The following MOXD1 variants were observed in gnomAD, a reference collection of about 807,000 sequenced individuals.
The protein encoded by MOXD1 is DBH-like monooxygenase protein 1.
MOXD1 carries 62 observed loss-of-function variants against 66.6 expected under a neutral mutation model. The ratio of observed to expected loss-of-function variants is 0.93; its 90% CI spans 0.76 to 1.15. The LOEUF is 1.15. MOXD1 is among the 50% of genes most tolerant of loss of function. MOXD1 has a pLI of 0.00. For synonymous variants in MOXD1, 303 were observed against 281.9 expected (o/e 1.07, Z -0.75); for missense variants, 847 against 754.6 (o/e 1.12, Z -1.44).
intron 8 of MOXD1, 53 bp from the exon 9 acceptor site, chr6:132,320,741 A>G: frequency 1.4e-6 from 2 of 1,436,310 alleles, no homozygotes; most frequent in Non-Finnish European, 1.9e-6. Context: ...TGGCTTATTT[A>G]TCAAATACAT....
intron 4 of MOXD1, among the ~76,000 whole-genome samples, chr6:132,367,905 T>C (rs1386598992): frequency 1.3e-5 from 2 of 151,968 alleles, no homozygotes; most frequent in Non-Finnish European, 2.9e-5. Flanking sequence ...TAGTATGAGG[T>C]GTACTGCCTC....
chr6:132,345,795 T>C (rs1775657159), intron 4 of MOXD1, among the ~76,000 whole-genome samples: 1 of 152,122 alleles, frequency 6.6e-6, no homozygotes, highest in Admixed American at 6.5e-5. Context: ...TTTTAGGCCT[T>C]TAGAATAACT....
chr6:132,297,671 A>T (rs896865893), intron 11 of MOXD1, 116 bp downstream of exon 11: 1 of 1,252,660 alleles, frequency 8.0e-7, no homozygotes, highest in Non-Finnish European at 1.1e-6. Flanking sequence ...ATTATCAGAC[A>T]TTAGAAGGCA....
intron 4 of MOXD1, among the ~76,000 whole-genome samples, chr6:132,364,844 C>T (rs868694702): frequency 6.6e-6 from 1 of 152,102 alleles, no homozygotes; most frequent in South Asian, 2.1e-4. Flanking sequence ...CAGACGGAAC[C>T]TAAGGCTCAA....
chr6:132,345,943 C>G (rs1283634810), intron 4 of MOXD1, among the ~76,000 whole-genome samples: 1 of 152,022 alleles, frequency 6.6e-6, no homozygotes, highest in Non-Finnish European at 1.5e-5. Context: ...ACACCAAGAC[C>G]CTTCTTTGGT....
At chr6:132,385,487 TTATTATTATTATTA>T (rs1204606548) in intron 1 of MOXD1, among the ~76,000 whole-genome samples, 28 of 141,506 alleles carry the variant, frequency 2.0e-4, no homozygotes, top group African/African-American at 7.2e-4. Flanking sequence ...ATTATTATTA[TTATTATTATTATTA>T]GAGACACAGT....
chr6:132,331,287 A>G (rs1200253859), intron 4 of MOXD1, among the ~76,000 whole-genome samples: 1 of 152,132 alleles, frequency 6.6e-6, no homozygotes, highest in Non-Finnish European at 1.5e-5. Context: ...TTCAGGCAGA[A>G]CCTTAAGGTT....
At chr6:132,333,092 TTTGGGAG>T (rs1775358947) in intron 4 of MOXD1, among the ~76,000 whole-genome samples, 1 of 152,104 alleles carries the variant, frequency 6.6e-6, no homozygotes, top group Non-Finnish European at 1.5e-5. Context: ...ATCCCAGCAC[TTTGGGAG>T]GCCGAGGCGG....
intron 1 of MOXD1, among the ~76,000 whole-genome samples, chr6:132,399,843 T>A (rs551723600): frequency 6.6e-6 from 1 of 152,276 alleles, no homozygotes; most frequent in East Asian, 1.9e-4. Flanking sequence ...GGAGAATGAG[T>A]CATTCCCCTA....
At chr6:132,401,079 G>A (rs1404808569) in intron 1 of MOXD1, 84 bp downstream of exon 1, 3 of 1,364,968 alleles carry the variant, frequency 2.2e-6, no homozygotes, top group Non-Finnish European at 1.9e-6. Flanking sequence ...TGCGGGCCCC[G>A]GGGACGACCC....
intron 10 of MOXD1, among the ~76,000 whole-genome samples, chr6:132,303,879 ACATATAT>A (rs1774627609): frequency 3.7e-4 from 15 of 40,960 alleles, no homozygotes; most frequent in Non-Finnish European, 4.6e-4. Flanking sequence ...ATATATATAT[ACATATAT>A]ACATAAAACC....
intron 10 of MOXD1, among the ~76,000 whole-genome samples, chr6:132,313,721 C>T (rs1349509926): frequency 6.6e-6 from 1 of 152,084 alleles, no homozygotes; most frequent in Non-Finnish European, 1.5e-5. Context: ...CGAGACCAGC[C>T]TGCCCAACAT....
intron 4 of MOXD1, among the ~76,000 whole-genome samples, chr6:132,361,470 A>T (rs1776017737): frequency 6.6e-6 from 1 of 152,204 alleles, no homozygotes; most frequent in South Asian, 2.1e-4. Flanking sequence ...GTTGAATAAA[A>T]TACTTTATTA....
At chr6:132,372,048 G>A (rs1776272272) in intron 4 of MOXD1, among the ~76,000 whole-genome samples, 1 of 152,098 alleles carries the variant, frequency 6.6e-6, no homozygotes, top group Non-Finnish European at 1.5e-5. Flanking sequence ...CAAAAGTTCT[G>A]GGAGGCCCAT....
chr6:132,311,690 C>T (rs927504143), intron 10 of MOXD1, among the ~76,000 whole-genome samples: 2 of 151,510 alleles, frequency 1.3e-5, no homozygotes, highest in African/African-American at 4.9e-5. Context: ...AATTAAAATT[C>T]AATGGTTTTT....
chr6:132,349,396 CATATATATACATAT>C (rs1476873091), intron 4 of MOXD1, among the ~76,000 whole-genome samples: 5,626 of 40,082 alleles, frequency 0.14, 742 homozygotes, highest in South Asian at 0.21. Context: ...TATATATACA[CATATATATACATAT>C]ATATATATAT....
intron 1 of MOXD1, among the ~76,000 whole-genome samples, chr6:132,389,055 G>A (rs1443470912): frequency 6.6e-6 from 1 of 150,758 alleles, no homozygotes; most frequent in Non-Finnish European, 1.5e-5. Context: ...ATTATTATTT[G>A]GGGGACAGAG....
intron 1 of MOXD1, among the ~76,000 whole-genome samples, chr6:132,376,982 C>A (rs879444852): frequency 3.3e-5 from 5 of 152,148 alleles, no homozygotes; most frequent in Admixed American, 1.3e-4. Flanking sequence ...GCTAGTAAAC[C>A]GAAAGGCAGG....
chr6:132,363,603 C>G lies in MOXD1; in HGVS notation c.663+9005G>C, dbSNP rs73546075. ...TAGTATTGCTCAGAAGATCTGCATT[C>G]AAGTCTTGGCTCTACTTCACCTAAT... On this transcript the variant is annotated intron_variant, in intron 4 of 11. Transcript: ENST00000367963. 5.3e-3 allele frequency among the ~76,000 whole-genome samples: 814 copies of G among 152,196 alleles called. 11 individuals carry two copies. Among genetic ancestry groups the G allele is most frequent in the African/African-American group, 0.019 (795 of 41,518 alleles).
Sources: allele counts gnomAD v4.1 joint callset (sites outside exome capture counted in the v4.1 genomes callset), GRCh38; gene constraint gnomAD v4.1.1; transcripts MANE v1.5; gene names NCBI Gene and HGNC (gene_info 2026-07-23, HGNC 2026-07-21).